AFF1: variants seen among roughly 807,000 people sequenced by gnomAD.
The protein encoded by AFF1 is ALF transcription elongation factor 1.
AFF1 carries 48 observed loss-of-function variants against 121.7 expected under a neutral mutation model. That is an observed-to-expected ratio of 0.39 (90% CI 0.31 to 0.50). The LOEUF is 0.50. Among genes scored for constraint, AFF1 ranks in the 20% least tolerant of loss-of-function variants. The probability of loss-of-function intolerance (pLI) is 0.76; values close to 1 mark genes in which losing one functional copy is unlikely to be tolerated. For synonymous variants in AFF1, 613 were observed against 563.0 expected (o/e 1.09, Z -1.26); for missense variants, 1,523 against 1,511.7 (o/e 1.01, Z -0.12).
intron 2 of AFF1, among the ~76,000 whole-genome samples, chr4:87,025,029 C>T (rs1728389277): frequency 6.6e-6 from 1 of 152,200 alleles, no homozygotes; most frequent in African/African-American, 2.4e-5. Flanking sequence ...TTATGCCATC[C>T]TTGGGATCCC....
At chr4:87,067,396 A>G (rs1286798196) in intron 4 of AFF1, among the ~76,000 whole-genome samples, 1 of 152,234 alleles carries the variant, frequency 6.6e-6, no homozygotes, top group Non-Finnish European at 1.5e-5. Context: ...CCTGTTTGCA[A>G]AGTCTGCTGA....
chr4:87,057,770 T>C (rs1282321723), intron 4 of AFF1, among the ~76,000 whole-genome samples: 1 of 152,208 alleles, frequency 6.6e-6, no homozygotes, highest in Non-Finnish European at 1.5e-5. Context: ...AAGACTTGAT[T>C]TTAAAGTATT....
chr4:87,008,712 C>G (rs1726424477), intron 2 of AFF1, among the ~76,000 whole-genome samples: 1 of 151,086 alleles, frequency 6.6e-6, no homozygotes, highest in African/African-American at 2.4e-5. Context: ...TTTTCATAAT[C>G]TTAATACAAT....
At chr4:87,121,064 AAAGC>A (rs1727639099) in intron 12 of AFF1, among the ~76,000 whole-genome samples, 2 of 152,284 alleles carry the variant, frequency 1.3e-5, no homozygotes, top group African/African-American at 4.8e-5. Flanking sequence ...CAGGTTAAGA[AAAGC>A]AAACAAGTCT....
chr4:87,031,789 T>C lies in AFF1; in HGVS notation c.39-14377T>C, dbSNP rs1166513004. Among the ~76,000 whole-genome samples the C allele has an allele frequency of 6.6e-5, 10 of 152,240 alleles. No homozygotes were observed. In the East Asian group the frequency reaches 1.9e-3, roughly 29 times the overall value. On this transcript the variant is annotated intron_variant, in intron 2 of 20. Coordinates refer to ENST00000395146, the MANE Select transcript of AFF1 (RefSeq NM_001166693.3). Reference sequence around the variant, plus strand: ...TACTTGCAGTGGATATATTAGTGTCTGCTTTTCAGAGAGTAGAAATGGAAA... The same window carrying C: ...TACTTGCAGTGGATATATTAGTGTCCGCTTTTCAGAGAGTAGAAATGGAAA...
intron 4 of AFF1, among the ~76,000 whole-genome samples, chr4:87,061,838 G>T (rs565496437): frequency 7.5e-6 from 1 of 133,094 alleles, no homozygotes; most frequent in East Asian, 2.2e-4. Context: ...ATGTCATCAT[G>T]AAATGTCCTT....
chr4:87,064,574 T>C (rs1316007462), intron 4 of AFF1, among the ~76,000 whole-genome samples: 1 of 152,112 alleles, frequency 6.6e-6, no homozygotes, highest in Non-Finnish European at 1.5e-5. Context: ...AGACTGTCTC[T>C]ACAAAACATT....
intron 2 of AFF1, among the ~76,000 whole-genome samples, chr4:87,035,321 G>C (rs766703984): frequency 2.6e-5 from 4 of 152,136 alleles, no homozygotes; most frequent in Non-Finnish European, 5.9e-5. Context: ...CAGCACTTTG[G>C]GAGGCCGAGG....
At chr4:87,079,530 T>C (rs891900514) in intron 4 of AFF1, among the ~76,000 whole-genome samples, 2 of 152,230 alleles carry the variant, frequency 1.3e-5, no homozygotes, top group African/African-American at 4.8e-5. Context: ...AAAAATGTTT[T>C]AGGTTATGCA....
chr4:87,016,877 C>T (rs943533429), intron 2 of AFF1, among the ~76,000 whole-genome samples: 3 of 152,106 alleles, frequency 2.0e-5, no homozygotes, highest in Non-Finnish European at 4.4e-5. Flanking sequence ...ATTTACCAGC[C>T]TCAGCACATT....
intron 2 of AFF1, among the ~76,000 whole-genome samples, chr4:86,967,873 T>TG (rs773263963): frequency 2.0e-5 from 3 of 152,288 alleles, no homozygotes; most frequent in Admixed American, 6.5e-5. Context: ...TAGAGTTCAT[T>TG]GGGGAAGGTC....
At chr4:87,002,930 G>T (rs1200774995) in intron 2 of AFF1, among the ~76,000 whole-genome samples, 1 of 152,154 alleles carries the variant, frequency 6.6e-6, no homozygotes, top group Admixed American at 6.6e-5. Context: ...GCCCCTCAAA[G>T]GTTAAGAATG....
chr4:86,972,900 C>G (rs1375924068), intron 2 of AFF1, among the ~76,000 whole-genome samples: 1 of 152,078 alleles, frequency 6.6e-6, no homozygotes, highest in Non-Finnish European at 1.5e-5. Flanking sequence ...TGGCTACTTG[C>G]AAATTTAAAA....
At chr4:87,008,620 G>GTT (rs11355941) in intron 2 of AFF1, among the ~76,000 whole-genome samples, 92 of 145,066 alleles carry the variant, frequency 6.3e-4, no homozygotes, top group African/African-American at 2.0e-3. Context: ...GAAATTTAGT[G>GTT]TTTTTTTTTT....
chr4:86,943,735 A>T (rs1488799240), intron 1 of AFF1, among the ~76,000 whole-genome samples: 3 of 151,934 alleles, frequency 2.0e-5, no homozygotes, highest in Non-Finnish European at 1.5e-5. Context: ...TGAGGTGGGC[A>T]GATCACCTGA....
In AFF1 at chr4:87,108,181, C is replaced by T; in HGVS notation, c.1399C>T (p.Pro467Ser). 2 of 1,614,024 alleles carry T rather than the reference C, an allele frequency of 1.2e-6. No homozygotes were observed. The highest frequency in any genetic ancestry group is 1.7e-6 in the Non-Finnish European group (2 of 1,179,942). Residue 467 changes from proline to serine, a missense_variant, in exon 11 of 21, where the codon CCA becomes TCA. Pro to Ser is a moderately conservative substitution (Grantham distance 74). Transcript: ENST00000395146. ...CAGTGCTCCACAGTCCCTTCCAGAACCAGTGGCATCAGCACATTCCAGCAG... is the reference window on the plus strand; with the variant it reads ...CAGTGCTCCACAGTCCCTTCCAGAATCAGTGGCATCAGCACATTCCAGCAG... ...PPSAPQSLPE[P>S]VASAHSSSAE...
At chr4:86,946,916 G>A (rs1720908754) in intron 1 of AFF1, among the ~76,000 whole-genome samples, 1 of 152,098 alleles carries the variant, frequency 6.6e-6, no homozygotes, top group Admixed American at 6.5e-5. Flanking sequence ...GTAATGTGGG[G>A]AACTGCCATC....
intron 13 of AFF1, 125 bp downstream of exon 13, chr4:87,125,268 A>C: frequency 3.4e-6 from 2 of 581,220 alleles, no homozygotes; most frequent in Non-Finnish European, 5.6e-6. Context: ...TCATTTGGAC[A>C]ATGTAATAAG....
chr4:87,044,529 A>C (rs1261577601), intron 2 of AFF1, among the ~76,000 whole-genome samples: 2 of 152,176 alleles, frequency 1.3e-5, no homozygotes, highest in African/African-American at 2.4e-5. Context: ...TGACATTTGA[A>C]TCATTCCAGA....
Sources: gnomAD v4.1 joint callset for allele counts (sites outside exome capture counted in the v4.1 genomes callset) on GRCh38, gnomAD v4.1.1 for gene constraint, MANE v1.5 for transcripts, NCBI Gene and HGNC (gene_info 2026-07-23, HGNC 2026-07-21) for gene names.